EYS: variants seen among roughly 807,000 people sequenced by gnomAD.
The protein encoded by EYS is protein eyes shut homolog.
Under a neutral mutation model 282.1 loss-of-function variants are expected in EYS, and 250 were observed. The observed-to-expected ratio is 0.89, with a 90% CI of 0.80 to 0.98. EYS has a LOEUF of 0.98. Ranked by LOEUF, EYS falls within the 50% of genes least tolerant of loss-of-function variation. The pLI is 0.00. For missense variants in EYS, 4,016 were observed against 3,709.0 expected, an observed-to-expected ratio of 1.08 and a Z score of -2.15; for synonymous variants, 1,355 against 1,282.9, an observed-to-expected ratio of 1.06 and a Z score of -1.20.
intron 8 of EYS, among the ~76,000 whole-genome samples, chr6:65,379,343 T>C (rs1256818426): frequency 2.6e-5 from 4 of 152,056 alleles, no homozygotes; most frequent in Non-Finnish European, 5.9e-5. Context: ...ATCCATCACA[T>C]AAACAGAACC....
At position 64,324,735 on chromosome 6, in the gene EYS, G is replaced by T. The variant is rs377729683; in HGVS notation, c.6079-17653C>A. Among the ~76,000 whole-genome samples the T allele has an allele frequency of 4.6e-5, 7 of 152,152 alleles. No individual in the cohort carries two copies. In the East Asian group the frequency reaches 1.3e-3, roughly 29 times the overall value. ...GAAAACCATAAAGACTCTGCCAAAA[G>T]GCTACTGGACCTGATACATAATTTT... On this transcript the variant is annotated intron_variant, in intron 29 of 42. Transcript: ENST00000503581.
At chr6:65,523,511 T>G (rs1410753196) in intron 2 of EYS, among the ~76,000 whole-genome samples, 3 of 152,062 alleles carry the variant, frequency 2.0e-5, no homozygotes, top group Non-Finnish European at 2.9e-5. Context: ...AAACAGTTGT[T>G]ATGAAGAATG....
intron 31 of EYS, among the ~76,000 whole-genome samples, chr6:64,209,692 T>C (rs1765703528): frequency 6.6e-6 from 1 of 152,188 alleles, no homozygotes; most frequent in African/African-American, 2.4e-5. Flanking sequence ...CCTCTGCTTT[T>C]AGAACAGCTC....
chr6:64,221,460 C>T (rs1766099734), intron 31 of EYS, among the ~76,000 whole-genome samples: 2 of 152,064 alleles, frequency 1.3e-5, no homozygotes, highest in African/African-American at 4.8e-5. Context: ...GATGTGACCT[C>T]CTCAATCTTG....
chr6:65,690,281 C>T (rs1424119448), intron 1 of EYS, among the ~76,000 whole-genome samples: 1 of 150,088 alleles, frequency 6.7e-6, no homozygotes, highest in Non-Finnish European at 1.5e-5. Context: ...AGCTAGACAA[C>T]CAGTTAGACC....
chr6:64,063,705 G>A (rs1771261429), intron 33 of EYS, among the ~76,000 whole-genome samples: 1 of 152,002 alleles, frequency 6.6e-6, no homozygotes, highest in Non-Finnish European at 1.5e-5. Context: ...TATATGCCAT[G>A]GTTTTTTCTA....
At chr6:63,749,218 T>G (rs1317968096) in intron 41 of EYS, among the ~76,000 whole-genome samples, 3 of 152,194 alleles carry the variant, frequency 2.0e-5, no homozygotes, top group Non-Finnish European at 2.9e-5. Flanking sequence ...ACTTCTTGAT[T>G]TCTATGTTAA....
intron 31 of EYS, among the ~76,000 whole-genome samples, chr6:64,200,483 T>G (rs1031838175): frequency 1.1e-4 from 17 of 152,044 alleles, no homozygotes; most frequent in African/African-American, 2.7e-4. Flanking sequence ...TTTTATAAAG[T>G]AAAAAATTCA....
In EYS at chr6:65,384,442, G is replaced by T. The variant is rs1387469389; in HGVS notation, c.1243C>A (p.Leu415Ile). 1 of 1,609,542 alleles carries T rather than the reference G, an allele frequency of 6.2e-7. No individual in the cohort carries two copies. ...TCTTCATTCAGACAGTTGATGCTGA[G>T]CAGTTTACAGTGGTCAATTGCTTTC... The part of the protein sequence containing the change: ...CEKAIDHCKL[L>I]SINCLNEEWC... The change falls in exon 8 of 43, where the codon CTC becomes ATC. Residue 415 changes from leucine (L) to isoleucine (I), a missense_variant. Leu to Ile is a conservative substitution (Grantham distance 5, BLOSUM62 2). Transcript: ENST00000503581.
chr6:63,725,007 A>G (rs868824174), intron 42 of EYS, among the ~76,000 whole-genome samples: 3 of 152,174 alleles, frequency 2.0e-5, no homozygotes, highest in Admixed American at 6.5e-5. Flanking sequence ...AGAGACTTCA[A>G]ATAAACTTGT....
At chr6:64,785,895 A>T (rs1774001821) in intron 22 of EYS, among the ~76,000 whole-genome samples, 1 of 152,192 alleles carries the variant, frequency 6.6e-6, no homozygotes, top group African/African-American at 2.4e-5. Context: ...ACCCAACTGA[A>T]TCTTTCAAAA....
At chr6:64,455,195 C>T (rs1404476345) in intron 26 of EYS, among the ~76,000 whole-genome samples, 1 of 152,030 alleles carries the variant, frequency 6.6e-6, no homozygotes, top group African/African-American at 2.4e-5. Context: ...TATAGGCAGG[C>T]ATGAGCCACC....
chr6:64,923,235 C>T (rs1241328225), intron 15 of EYS, among the ~76,000 whole-genome samples: 1 of 152,016 alleles, frequency 6.6e-6, no homozygotes, highest in African/African-American at 2.4e-5. Flanking sequence ...GTATGTCTTA[C>T]ATGGTGGTGG....
intron 35 of EYS, among the ~76,000 whole-genome samples, chr6:63,938,634 A>C (rs1765142599): frequency 6.6e-6 from 1 of 152,202 alleles, no homozygotes; most frequent in Admixed American, 6.5e-5. Flanking sequence ...CTTTTGACTT[A>C]ATTTCTCTTA....
At chr6:63,936,255 G>A (rs904380698) in intron 35 of EYS, among the ~76,000 whole-genome samples, 23 of 152,032 alleles carry the variant, frequency 1.5e-4, no homozygotes, top group South Asian at 4.1e-4. Context: ...GATTGCTGGC[G>A]GATAGGTATC....
chr6:64,211,574 T>TA (rs1491292636), intron 31 of EYS, among the ~76,000 whole-genome samples: 184 of 128,990 alleles, frequency 1.4e-3, no homozygotes, highest in African/African-American at 4.9e-3. Context: ...TATATATATA[T>TA]TTTTTTTCAT....
At chr6:65,123,519 T>C (rs1775626208) in intron 12 of EYS, among the ~76,000 whole-genome samples, 1 of 152,130 alleles carries the variant, frequency 6.6e-6, no homozygotes, top group African/African-American at 2.4e-5. Context: ...TGAACAGAGC[T>C]TGACCTTCTA....
At chr6:64,339,483 T>C (rs143355383) in intron 29 of EYS, among the ~76,000 whole-genome samples, 2,274 of 151,960 alleles carry the variant, frequency 0.015, 16 homozygotes, top group East Asian at 0.033. Flanking sequence ...AAACAGTGGA[T>C]GTTGGAGTGA....
intron 12 of EYS, among the ~76,000 whole-genome samples, chr6:65,231,131 T>TTATATATATTTA (rs1391195746): frequency 2.4e-3 from 334 of 142,098 alleles, no homozygotes; most frequent in African/African-American, 5.9e-3. Context: ...ATATATACTT[T>TTATATATATTTA]TATATATATA....
Sources: gnomAD v4.1 joint callset for allele counts (sites outside exome capture counted in the v4.1 genomes callset) on GRCh38, gnomAD v4.1.1 for gene constraint, MANE v1.5 for transcripts, NCBI Gene and HGNC (gene_info 2026-07-23, HGNC 2026-07-21) for gene names.